Variants in ARL3 observed in about 807,000 individuals in gnomAD.
ARL3 encodes ADP-ribosylation factor-like protein 3.
A neutral mutation model predicts 26.0 loss-of-function variants in ARL3; 9 were observed. That is an observed-to-expected ratio of 0.35 (90% CI 0.21 to 0.60). ARL3 has a LOEUF of 0.60. Ranked by LOEUF, ARL3 falls within the 20% of genes least tolerant of loss-of-function variation. ARL3 has a pLI of 0.78. For missense variants in ARL3, 158 were observed against 215.7 expected, an observed-to-expected ratio of 0.73 and a Z score of 1.67; for synonymous variants, 71 against 78.4, an observed-to-expected ratio of 0.91 and a Z score of 0.50.
intron 2 of ARL3, 133 bp downstream of exon 2, chr10:102,705,213 T>G: frequency 9.2e-7 from 1 of 1,092,408 alleles, no homozygotes; most frequent in Non-Finnish European, 1.2e-6. Flanking sequence ...AATCTGGTTA[T>G]CTTTAGATTG....
intron 2 of ARL3, among the ~76,000 whole-genome samples, chr10:102,703,157 C>A (rs2136007176): frequency 7.4e-6 from 1 of 135,626 alleles, no homozygotes; most frequent in Non-Finnish European, 1.5e-5. Context: ...GAGTCTCACT[C>A]TGTCGCCAGG....
chr10:102,694,179 TG>T (rs745344011), intron 3 of ARL3, among the ~76,000 whole-genome samples: 12 of 150,748 alleles, frequency 8.0e-5, no homozygotes, highest in South Asian at 6.3e-4. Flanking sequence ...TTTGTAGAGA[TG>T]GGGTTTCACC....
intron 4 of ARL3, among the ~76,000 whole-genome samples, chr10:102,687,169 G>C (rs545070372): frequency 6.6e-6 from 1 of 150,874 alleles, no homozygotes; most frequent in East Asian, 2.0e-4. Flanking sequence ...GTGAGCCACC[G>C]CGCCCGGCAT....
chr10:102,684,588 C>A (rs192293035), intron 5 of ARL3, among the ~76,000 whole-genome samples: 17 of 152,234 alleles, frequency 1.1e-4, no homozygotes, highest in African/African-American at 4.1e-4. Context: ...GACTGCCATC[C>A]TATGTGCAAT....
chr10:102,708,405 G>T (rs2064320381), intron 1 of ARL3, among the ~76,000 whole-genome samples: 1 of 152,056 alleles, frequency 6.6e-6, no homozygotes, highest in Non-Finnish European at 1.5e-5. Context: ...GTTCCTGATT[G>T]TAAGTGAAAA....
At chr10:102,698,152 T>C (rs1396822814) in intron 3 of ARL3, among the ~76,000 whole-genome samples, 2 of 152,068 alleles carry the variant, frequency 1.3e-5, no homozygotes, top group Non-Finnish European at 2.9e-5. Flanking sequence ...GAGAGACACT[T>C]AGGAAACAAC....
chr10:102,682,512 G>A (rs1001312470), intron 5 of ARL3, among the ~76,000 whole-genome samples: 64 of 152,098 alleles, frequency 4.2e-4, no homozygotes, highest in African/African-American at 1.5e-3. Flanking sequence ...CAGGTGGAAC[G>A]GGACCCTGAA....
intron 3 of ARL3, among the ~76,000 whole-genome samples, chr10:102,695,659 G>A (rs1035014408): frequency 2.0e-5 from 3 of 151,694 alleles, no homozygotes; most frequent in African/African-American, 7.3e-5. Flanking sequence ...AGTAGCTTAC[G>A]GGCATGTGCC....
chr10:102,682,285 C>G (rs1033337127), intron 5 of ARL3, among the ~76,000 whole-genome samples: 2 of 137,108 alleles, frequency 1.5e-5, no homozygotes, highest in Non-Finnish European at 1.6e-5. Context: ...TTCTGCTTCT[C>G]GTGCCCTTTA....
intron 1 of ARL3, among the ~76,000 whole-genome samples, chr10:102,712,317 G>A (rs1359692686): frequency 6.6e-6 from 1 of 152,160 alleles, no homozygotes; most frequent in Non-Finnish European, 1.5e-5. Flanking sequence ...TGGGATACCA[G>A]ATGGGATACA....
At chr10:102,693,027 T>C (rs1485538711) in intron 3 of ARL3, among the ~76,000 whole-genome samples, 1 of 152,226 alleles carries the variant, frequency 6.6e-6, no homozygotes, top group Non-Finnish European at 1.5e-5. Flanking sequence ...TGATAGCTCA[T>C]GTATTTTTAT....
At chr10:102,713,077 G>A (rs1187831994) in intron 1 of ARL3, among the ~76,000 whole-genome samples, 3 of 22,372 alleles carry the variant, frequency 1.3e-4, no homozygotes, top group Non-Finnish European at 2.7e-4. Flanking sequence ...TGGGCATCTA[G>A]TTTTTTTGTT....
chr10:102,707,359 T>C (rs933605090), intron 1 of ARL3, among the ~76,000 whole-genome samples: 12 of 151,832 alleles, frequency 7.9e-5, no homozygotes, highest in African/African-American at 2.7e-4. Context: ...ACCATGTTGA[T>C]TTTTAGTTAA....
chr10:102,712,718 T>A (rs956043105), intron 1 of ARL3, among the ~76,000 whole-genome samples: 27 of 152,336 alleles, frequency 1.8e-4, no homozygotes, highest in African/African-American at 6.0e-4. Flanking sequence ...TCATCCATAA[T>A]GATGAATCTC....
chr10:102,692,447 GCT>G (rs2064223317), intron 3 of ARL3, among the ~76,000 whole-genome samples: 1 of 152,158 alleles, frequency 6.6e-6, no homozygotes, highest in African/African-American at 2.4e-5. Context: ...ACGGAGTCTC[GCT>G]CTGTCACCCA....
At chr10:102,689,997 G>T in intron 3 of ARL3, 54 bp from the exon 4 acceptor site, 1 of 1,186,364 alleles carries the variant, frequency 8.4e-7, no homozygotes, top group South Asian at 1.4e-5. Context: ...AAAAGACAGG[G>T]CAATTTCTGC....
chr10:102,712,544 A>G (rs2064348081), intron 1 of ARL3, among the ~76,000 whole-genome samples: 1 of 152,254 alleles, frequency 6.6e-6, no homozygotes, highest in Non-Finnish European at 1.5e-5. Flanking sequence ...ACAGTGTTGT[A>G]TATACACTGT....
At chr10:102,688,632 T>A (rs2064200324) in intron 4 of ARL3, among the ~76,000 whole-genome samples, 1 of 151,546 alleles carries the variant, frequency 6.6e-6, no homozygotes, top group Non-Finnish European at 1.5e-5. Flanking sequence ...CCAGAGTAGC[T>A]GGGACTGTAC....
At chr10:102,678,752 T>C (rs1297329317) in intron 5 of ARL3, among the ~76,000 whole-genome samples, 1 of 152,240 alleles carries the variant, frequency 6.6e-6, no homozygotes, top group Non-Finnish European at 1.5e-5. Flanking sequence ...GGAAAAATAT[T>C]TACTCAGCTG....
Sources: allele counts gnomAD v4.1 joint callset (sites outside exome capture counted in the v4.1 genomes callset), GRCh38; gene constraint gnomAD v4.1.1; transcripts MANE v1.5; gene names NCBI Gene and HGNC (gene_info 2026-07-23, HGNC 2026-07-21).